SNTG1: variants seen among roughly 807,000 people sequenced by gnomAD.
SNTG1 encodes the protein gamma-1-syntrophin.
In SNTG1, 39 loss-of-function variants were observed where a neutral mutation model predicts 74.7. That is an observed-to-expected ratio of 0.52 (90% CI 0.40 to 0.68). The LOEUF is 0.68. Ranked by LOEUF, SNTG1 falls within the 30% of genes least tolerant of loss-of-function variation. The pLI, the probability that SNTG1 is intolerant of heterozygous loss-of-function variation, is 0.00. For synonymous variants in SNTG1, 254 were observed against 217.1 expected, an observed-to-expected ratio of 1.17 and a Z score of -1.49; for missense variants, 685 against 609.5, an observed-to-expected ratio of 1.12 and a Z score of -1.30.
chr8:50,656,437 AGAG>A (rs1034531684), intron 13 of SNTG1, among the ~76,000 whole-genome samples: 1 of 152,314 alleles, frequency 6.6e-6, no homozygotes, highest in Non-Finnish European at 1.5e-5. Context: ...TATCAGGCAC[AGAG>A]GAGAAGTGGT....
At chr8:50,224,764 C>G (rs1346257224) in intron 2 of SNTG1, among the ~76,000 whole-genome samples, 1 of 152,028 alleles carries the variant, frequency 6.6e-6, no homozygotes, top group Non-Finnish European at 1.5e-5. Context: ...AAACAGAGAC[C>G]TTAAGACTAA....
intron 10 of SNTG1, among the ~76,000 whole-genome samples, chr8:50,530,539 C>T (rs1303999544): frequency 6.6e-6 from 1 of 152,118 alleles, no homozygotes; most frequent in East Asian, 1.9e-4. Flanking sequence ...TAGAACATTG[C>T]ACATTATATG....
At chr8:50,698,144 C>G (rs981004146) in intron 15 of SNTG1, among the ~76,000 whole-genome samples, 4 of 151,978 alleles carry the variant, frequency 2.6e-5, no homozygotes, top group Non-Finnish European at 4.4e-5. Flanking sequence ...TTTCTCTATT[C>G]ATGGTTTTTA....
intron 1 of SNTG1, among the ~76,000 whole-genome samples, chr8:49,948,782 G>A (rs1485281247): frequency 6.6e-6 from 1 of 152,084 alleles, no homozygotes; most frequent in Non-Finnish European, 1.5e-5. Flanking sequence ...TCTGCTCCTC[G>A]GGCTGGAAGG....
chr8:50,755,867 A>G (rs1055794685), intron 18 of SNTG1, among the ~76,000 whole-genome samples: 2 of 151,834 alleles, frequency 1.3e-5, no homozygotes, highest in Non-Finnish European at 2.9e-5. Context: ...AACGTGGTGC[A>G]TATTTTCATA....
At chr8:50,218,440 T>TTTAGTATTCATAAATGCCTGCA (rs1289354565) in intron 2 of SNTG1, among the ~76,000 whole-genome samples, 1 of 152,200 alleles carries the variant, frequency 6.6e-6, no homozygotes, top group Non-Finnish European at 1.5e-5. Context: ...TTTAAGTTTA[T>TTTAGTATTCATAAATGCCTGCA]TTAGTATTCA....
intron 18 of SNTG1, among the ~76,000 whole-genome samples, chr8:50,780,099 G>T (rs1338755219): frequency 6.6e-6 from 1 of 152,136 alleles, no homozygotes; most frequent in Non-Finnish European, 1.5e-5. Flanking sequence ...GCTGGATTTG[G>T]TTTGCCAGTA....
intron 12 of SNTG1, among the ~76,000 whole-genome samples, chr8:50,587,023 C>T (rs1370207898): frequency 6.6e-6 from 1 of 151,984 alleles, no homozygotes; most frequent in Non-Finnish European, 1.5e-5. Flanking sequence ...TTGTCATACA[C>T]ATATGTCTAC....
intron 13 of SNTG1, among the ~76,000 whole-genome samples, chr8:50,607,636 G>A (rs1236828769): frequency 6.6e-6 from 1 of 150,972 alleles, no homozygotes; most frequent in Non-Finnish European, 1.5e-5. Context: ...CAATTTTGTT[G>A]ATTTTTCCAA....
At chr8:50,410,257 G>A (rs1392886024) in intron 4 of SNTG1, among the ~76,000 whole-genome samples, 1 of 152,154 alleles carries the variant, frequency 6.6e-6, no homozygotes, top group Non-Finnish European at 1.5e-5. Flanking sequence ...GAGGCATGGT[G>A]TGTGCAGGCC....
chr8:49,912,706 G>C (rs374001795), intron 1 of SNTG1, among the ~76,000 whole-genome samples: 2 of 152,128 alleles, frequency 1.3e-5, no homozygotes, highest in East Asian at 3.9e-4. Context: ...ATATACACCA[G>C]ATTTCTCACT....
chr8:50,669,868 G>A (rs2095270776), intron 15 of SNTG1, among the ~76,000 whole-genome samples: 1 of 152,152 alleles, frequency 6.6e-6, no homozygotes, highest in Non-Finnish European at 1.5e-5. Flanking sequence ...TCATCCCTGG[G>A]ATGCAAGGCT....
chr8:50,491,639 G>T (rs538052893), intron 8 of SNTG1, among the ~76,000 whole-genome samples: 2 of 152,362 alleles, frequency 1.3e-5, no homozygotes, highest in East Asian at 3.9e-4. Flanking sequence ...GCTTAGAGGG[G>T]CACCCAGCGC....
intron 10 of SNTG1, among the ~76,000 whole-genome samples, chr8:50,535,989 A>C (rs1042220697): frequency 6.6e-6 from 1 of 152,212 alleles, no homozygotes; most frequent in Admixed American, 6.5e-5. Context: ...AATCAAGTGA[A>C]AAAGCCCAAA....
chr8:50,451,510 CAGAG>C (rs925161138), intron 8 of SNTG1, among the ~76,000 whole-genome samples: 4 of 151,868 alleles, frequency 2.6e-5, no homozygotes, highest in African/African-American at 9.7e-5. Flanking sequence ...AAGAGAGAGA[CAGAG>C]AGAGAGAACC....
At chr8:50,387,792 GTACT>G (rs1224606470) in intron 2 of SNTG1, among the ~76,000 whole-genome samples, 5 of 152,208 alleles carry the variant, frequency 3.3e-5, no homozygotes, top group Admixed American at 6.5e-5. Context: ...CCACTTGAGT[GTACT>G]TATACCTATA....
rs71235311 is a variant in SNTG1 at position 50,601,152 on chromosome 8, C to CAAAAAAAAAAAAAAA, written c.849+10253_849+10267dup. 7.3e-4 allele frequency among the ~76,000 whole-genome samples: 23 copies of CAAAAAAAAAAAAAAA among 31,438 alleles called. 7 individuals carry two copies. The highest frequency in any genetic ancestry group is 4.1e-3 in the African/African-American group (21 of 5,080). The allele number at this position is 31,438 out of a possible 152,430, so 20.6% of individuals were successfully genotyped here. On this transcript the variant is annotated intron_variant, in intron 13 of 18. Coordinates refer to ENST00000642720, the MANE Select transcript of SNTG1 (RefSeq NM_018967.5). Reference sequence around the variant, plus strand: ...CAGCCTGGTGACAGAGCCAGCGAGACAAAAAAAAAAAAAAAAAAAAAAAAA... The same window carrying CAAAAAAAAAAAAAAA: ...CAGCCTGGTGACAGAGCCAGCGAGACAAAAAAAAAAAAAAAAAAAAAAAAAAAAAAAAAAAAAAAA...
chr8:50,426,477 A>G, intron 4 of SNTG1, among the ~76,000 whole-genome samples: 1 of 151,854 alleles, frequency 6.6e-6, no homozygotes, highest in South Asian at 2.1e-4. Context: ...AATAAATAAA[A>G]AGGCTTATAG....
At chr8:50,115,533 A>G (rs2080779601) in intron 1 of SNTG1, among the ~76,000 whole-genome samples, 1 of 135,174 alleles carries the variant, frequency 7.4e-6, no homozygotes, top group Admixed American at 8.5e-5. Context: ...TTGCCATTGC[A>G]CTCCAGCCTG....
Sources: allele counts gnomAD v4.1 joint callset (sites outside exome capture counted in the v4.1 genomes callset), GRCh38; gene constraint gnomAD v4.1.1; transcripts MANE v1.5; gene names NCBI Gene and HGNC (gene_info 2026-07-23, HGNC 2026-07-21).